Variants in SYT1 observed in about 807,000 individuals in gnomAD.
The protein encoded by SYT1 is synaptotagmin-1.
In SYT1, 8 loss-of-function variants were observed where a neutral mutation model predicts 44.8. The observed-to-expected ratio is 0.18, with a 90% confidence interval of 0.10 to 0.32. The LOEUF is 0.32. SYT1 is among the 10% of genes least tolerant of loss of function. The pLI is 1.00. For missense variants in SYT1, 286 were observed against 509.3 expected, an observed-to-expected ratio of 0.56 and a Z score of 4.22; for synonymous variants, 154 against 188.8, an observed-to-expected ratio of 0.82 and a Z score of 1.51.
intron 6 of SYT1, 103 bp downstream of exon 6, chr12:79,292,233 G>T: frequency 7.4e-7 from 1 of 1,356,632 alleles, no homozygotes. Flanking sequence ...TGCTGTGAGG[G>T]GAAAATGCAA....
intron 3 of SYT1, among the ~76,000 whole-genome samples, chr12:79,124,616 A>G (rs186213284): frequency 6.6e-6 from 1 of 151,942 alleles, no homozygotes; most frequent in Non-Finnish European, 1.5e-5. Context: ...TATCATCATC[A>G]CCATCGCCAT....
At chr12:79,410,506 C>CAAAAAAAAAAAAAAAAAAAACAAAAAG (rs1868372086) in intron 9 of SYT1, among the ~76,000 whole-genome samples, 2 of 75,916 alleles carry the variant, frequency 2.6e-5, no homozygotes, top group Non-Finnish European at 4.8e-5. Flanking sequence ...TGTTCAAAGT[C>CAAAAAAAAAAAAAAAAAAAACAAAAAG]AAAAAAAAAA....
chr12:78,946,633 A>G (rs1267985841), intron 1 of SYT1, among the ~76,000 whole-genome samples: 1 of 151,848 alleles, frequency 6.6e-6, no homozygotes, highest in Non-Finnish European at 1.5e-5. Flanking sequence ...GTTGCTGTGA[A>G]CCAAGATCGT....
intron 2 of SYT1, among the ~76,000 whole-genome samples, chr12:79,007,868 A>C (rs1871189826): frequency 6.6e-6 from 1 of 152,242 alleles, no homozygotes; most frequent in East Asian, 1.9e-4. Context: ...GTGGATAAAA[A>C]GTATGAGTAA....
intron 10 of SYT1, among the ~76,000 whole-genome samples, chr12:79,446,009 ATATATATATATATATATATATATATT>A (rs985592191): frequency 2.4e-5 from 3 of 122,972 alleles, no homozygotes; most frequent in Non-Finnish European, 5.2e-5. Flanking sequence ...ATATATATAT[ATATATATATATATATATATATATATT>A]ATGCCTAGGT....
chr12:79,049,161 T>C (rs1013381132), intron 3 of SYT1, among the ~76,000 whole-genome samples: 6 of 151,912 alleles, frequency 3.9e-5, no homozygotes, highest in Non-Finnish European at 5.9e-5. Context: ...CGCTGATTTA[T>C]GTATAAGTTA....
At chr12:79,322,365 T>C (rs1881404598) in intron 8 of SYT1, among the ~76,000 whole-genome samples, 1 of 152,146 alleles carries the variant, frequency 6.6e-6, no homozygotes. Flanking sequence ...TAAAAAAAAC[T>C]CTGAGATTTA....
At chr12:79,182,594 A>G (rs1489002231) in intron 3 of SYT1, among the ~76,000 whole-genome samples, 1 of 152,084 alleles carries the variant, frequency 6.6e-6, no homozygotes, top group Non-Finnish European at 1.5e-5. Flanking sequence ...TGATATGCGT[A>G]TAGTTCAAGA....
chr12:79,188,706 A>T (rs1872940217), intron 3 of SYT1, among the ~76,000 whole-genome samples: 1 of 152,132 alleles, frequency 6.6e-6, no homozygotes, highest in Non-Finnish European at 1.5e-5. Flanking sequence ...AAAAGTCTTA[A>T]TATTTTGTAG....
rs202040634 is a variant in SYT1 at position 78,909,936 on chromosome 12, TCAGATATTA to T, written c.-217+44829_-217+44837del. Reference sequence around the variant, plus strand: ...TAAATAATAGTCATTCATAAAGTTATCAGATATTACTGATGCCCTAGTACCATCTCCAAT... The same window carrying T: ...TAAATAATAGTCATTCATAAAGTTATCTGATGCCCTAGTACCATCTCCAAT... On this transcript the variant is annotated intron_variant, in intron 1 of 10. Coordinates refer to ENST00000261205, the MANE Select transcript of SYT1 (RefSeq NM_005639.3). 3.2e-4 allele frequency among the ~76,000 whole-genome samples: 49 copies of T among 152,084 alleles called. No homozygotes were observed. The East Asian group carries it at 8.7e-3, about 27-fold the overall frequency.
chr12:79,085,849 C>A (rs957976431), intron 3 of SYT1, among the ~76,000 whole-genome samples: 9 of 152,066 alleles, frequency 5.9e-5, no homozygotes, highest in Admixed American at 5.2e-4. Flanking sequence ...GTACTCTCCC[C>A]AAATCCTCAG....
At chr12:79,151,244 T>A (rs1481124408) in intron 3 of SYT1, among the ~76,000 whole-genome samples, 1 of 152,194 alleles carries the variant, frequency 6.6e-6, no homozygotes, top group Admixed American at 6.5e-5. Flanking sequence ...CTGCTTGGCA[T>A]TCAGTAAATT....
chr12:79,053,467 C>A (rs971838210), intron 3 of SYT1, among the ~76,000 whole-genome samples: 1 of 151,658 alleles, frequency 6.6e-6, no homozygotes, highest in African/African-American at 2.4e-5. Flanking sequence ...TGTAACAAAC[C>A]TGCACATTGT....
At chr12:79,276,681 A>C (rs922235685) in intron 4 of SYT1, among the ~76,000 whole-genome samples, 1 of 151,662 alleles carries the variant, frequency 6.6e-6, no homozygotes, top group Non-Finnish European at 1.5e-5. Context: ...TCAAAAAAAA[A>C]AAAACAAAAA....
intron 8 of SYT1, among the ~76,000 whole-genome samples, chr12:79,322,674 A>G (rs527415903): frequency 6.6e-6 from 1 of 152,262 alleles, no homozygotes; most frequent in African/African-American, 2.4e-5. Context: ...TGTGGCGTCT[A>G]TGGCAGTTTC....
chr12:78,904,781 A>G (rs1172796261), intron 1 of SYT1, among the ~76,000 whole-genome samples: 1 of 152,134 alleles, frequency 6.6e-6, no homozygotes, highest in African/African-American at 2.4e-5. Context: ...ACATACATAC[A>G]ATTTTAACCT....
intron 1 of SYT1, among the ~76,000 whole-genome samples, chr12:78,921,703 T>A (rs1285929880): frequency 6.6e-6 from 1 of 151,936 alleles, no homozygotes; most frequent in Non-Finnish European, 1.5e-5. Context: ...GTGAACTCTG[T>A]TTGGAAGCAA....
intron 2 of SYT1, among the ~76,000 whole-genome samples, chr12:79,018,104 A>T (rs1384329708): frequency 3.9e-5 from 6 of 152,002 alleles, no homozygotes; most frequent in African/African-American, 1.4e-4. Flanking sequence ...CAAATGTCCA[A>T]CAATGATAGA....
chr12:78,943,470 G>T (rs1878494298), intron 1 of SYT1, among the ~76,000 whole-genome samples: 1 of 152,110 alleles, frequency 6.6e-6, no homozygotes, highest in Non-Finnish European at 1.5e-5. Context: ...GATTTCTTAT[G>T]AACTCATTCA....
Sources: gnomAD v4.1 joint callset for allele counts (sites outside exome capture counted in the v4.1 genomes callset) on GRCh38, gnomAD v4.1.1 for gene constraint, MANE v1.5 for transcripts, NCBI Gene and HGNC (gene_info 2026-07-23, HGNC 2026-07-21) for gene names.